Variants in ABCC2 observed in about 807,000 individuals in gnomAD.
ABCC2 encodes ATP-binding cassette sub-family C member 2.
Under a neutral mutation model 173.4 loss-of-function variants are expected in ABCC2, and 157 were observed. The ratio of observed to expected loss-of-function variants is 0.91; its 90% CI spans 0.80 to 1.03. The LOEUF is 1.03. ABCC2 is among the 50% of genes least tolerant of loss of function. ABCC2 has a pLI of 0.00. For missense variants in ABCC2, 1,822 were observed against 1,852.3 expected, an observed-to-expected ratio of 0.98 and a Z score of 0.30; for synonymous variants, 657 against 693.5, an observed-to-expected ratio of 0.95 and a Z score of 0.83.
intron 25 of ABCC2, among the ~76,000 whole-genome samples, chr10:99,838,656 G>A (rs1253087291): frequency 2.3e-4 from 1 of 4,306 alleles, no homozygotes; most frequent in Non-Finnish European, 5.9e-4. Context: ...CTCACCTCCC[G>A]GACGGGGCGG....
chr10:99,782,647 T>C lies in ABCC2; in HGVS notation c.-198T>C, dbSNP rs1252739207. 1 of 639,308 alleles carries C rather than the reference T, an allele frequency of 1.6e-6. No individual in the cohort carries two copies. Among genetic ancestry groups the C allele is most frequent in the Non-Finnish European group, 2.7e-6 (1 of 368,204 alleles). 39.6% of individuals were successfully genotyped at this position (639,308 alleles called of 1,614,324 possible). ...CTGTCCCTAGGGCTTTTTAGTCACA[T>C]GTCCATCCACTGTTTCAATGTAACA... On this transcript the variant is annotated 5_prime_UTR_variant, in exon 1 of 32. An upstream start codon of the reference 5' UTR is lost. Transcript: ENST00000647814.
intron 14 of ABCC2, among the ~76,000 whole-genome samples, chr10:99,810,490 G>A (rs1590159871): frequency 1.3e-5 from 2 of 152,374 alleles, no homozygotes; most frequent in African/African-American, 4.8e-5. Context: ...TCAGGATAGA[G>A]CCAAGTGTGT....
intron 25 of ABCC2, 50 bp downstream of exon 25, chr10:99,836,340 A>G (rs778621758): frequency 6.3e-7 from 1 of 1,592,028 alleles, no homozygotes; most frequent in South Asian, 1.1e-5. Flanking sequence ...GGGGTTCTAT[A>G]TGTTTGATAT....
chr10:99,784,580 G>A (rs749475806), intron 1 of ABCC2, 28 bp from the exon 2 acceptor site: 1 of 1,612,782 alleles, frequency 6.2e-7, no homozygotes, highest in South Asian at 1.1e-5. Flanking sequence ...ATGCATGTAT[G>A]CAACAATCCT....
At position 99,834,542 on chromosome 10, in the gene ABCC2, T is replaced by C; in HGVS notation, c.3414+7T>C. On this transcript the variant is annotated splice_region_variant and intron_variant, in intron 24 of 31. Transcript: ENST00000647814. ...TATTTATGTATCTGTTCAGGTAGGT[T>C]TGGAAATGGCTAAGTCATCCTTCCT... 1 of 1,614,016 alleles carries C rather than the reference T, an allele frequency of 6.2e-7. No individual in the cohort carries two copies. The highest frequency in any genetic ancestry group is 8.5e-7 in the Non-Finnish European group (1 of 1,179,880).
In ABCC2 at chr10:99,785,789, G is replaced by A. The variant is rs931430013; in HGVS notation, c.207+1008G>A. On this transcript the variant is annotated intron_variant, in intron 2 of 31. Transcript: ENST00000647814. ...CTGCCTTGGCCTCCCAAAGTGCTGCGATTACAAGCCTGAGCCACCTGCACA... is the reference window on the plus strand; with the variant it reads ...CTGCCTTGGCCTCCCAAAGTGCTGCAATTACAAGCCTGAGCCACCTGCACA... Among the ~76,000 whole-genome samples the A allele has an allele frequency of 6.6e-5, 10 of 151,918 alleles. No individual in the cohort carries two copies. The East Asian group carries it at 1.4e-3, about 21-fold the overall frequency.
Position 99,832,119 on chromosome 10 carries a change from C to T in ABCC2, c.3246C>T (p.Asn1082=), listed in dbSNP as rs1335249585. 15 of 1,614,166 alleles carry T rather than the reference C, an allele frequency of 9.3e-6. No homozygotes were observed. Among genetic ancestry groups the T allele is most frequent in the Non-Finnish European group, 1.3e-5 (15 of 1,180,024 alleles). ...CAACACCCACAGGCCGGATTGTGAA[C>T]AGGTTTGCCGGCGTAAGTATCTCAA... ...FDTTPTGRIV[N]RFAGDISTVD... Residue 1082 remains asparagine (N), a synonymous_variant, in exon 23 of 32, where the codon AAC becomes AAT. Coordinates refer to ENST00000647814, the MANE Select transcript of ABCC2 (RefSeq NM_000392.5).
intron 6 of ABCC2, among the ~76,000 whole-genome samples, chr10:99,795,770 A>AGAAG (rs2037896834): frequency 6.8e-6 from 1 of 146,432 alleles, no homozygotes; most frequent in African/African-American, 2.7e-5. Flanking sequence ...AAAGAAAGAA[A>AGAAG]GAAAGAAAGA....
Position 99,820,372 on chromosome 10 carries a change from C to T in ABCC2, c.2620+1103C>T, listed in dbSNP as rs1206930128. ...TGCCATTGCACTCCAGCCTGGGCAA[C>T]AAGAGTGAAACTCCATCTCACACAC... On this transcript the variant is annotated intron_variant, in intron 19 of 31. Transcript: ENST00000647814. Among the ~76,000 whole-genome samples the T allele has an allele frequency of 3.5e-5, 5 of 143,772 alleles. No homozygotes were observed. The East Asian group carries it at 1.0e-3, about 30-fold the overall frequency. The allele number at this position is 143,772 out of a possible 152,430, so 94.3% of individuals were successfully genotyped here. A position where few individuals can be genotyped will look rare whatever the true frequency, so the allele number is the denominator to read the frequency against.
intron 7 of ABCC2, 30 bp downstream of exon 7, chr10:99,797,361 G>A (rs376850814): frequency 6.0e-5 from 95 of 1,582,240 alleles, no homozygotes; most frequent in South Asian, 1.8e-4. Context: ...CTGTGTGAGC[G>A]CGCTGCATGT....
At chr10:99,835,963 C>A in intron 24 of ABCC2, 128 bp from the exon 25 acceptor site, 1 of 921,184 alleles carries the variant, frequency 1.1e-6, no homozygotes, top group Non-Finnish European at 1.7e-6. Flanking sequence ...GCACTGCAGG[C>A]TTTTGTCTTG....
intron 17 of ABCC2, 136 bp from the exon 18 acceptor site, chr10:99,818,654 G>A: frequency 1.2e-6 from 1 of 824,320 alleles, no homozygotes; most frequent in Non-Finnish European, 1.9e-6. Flanking sequence ...TTCTTTATTT[G>A]TATAAAGGAA....
At chr10:99,806,077 C>CTCTCTGTGTGTGTG (rs10644836) in intron 11 of ABCC2, among the ~76,000 whole-genome samples, 65 of 148,146 alleles carry the variant, frequency 4.4e-4, no homozygotes, top group African/African-American at 1.6e-3. Flanking sequence ...CTCTCTCTGT[C>CTCTCTGTGTGTGTG]TGTGTGTGTG....
Position 99,850,695 on chromosome 10 carries a change from A to G in ABCC2, c.4407A>G (p.Leu1469=), listed in dbSNP as rs201666939. ...ATGAGGCCACTGCTGCGGTGGATCT[A>G]GAGACAGACAACCTCATTCAGACGA... ...VLDEATAAVD[L]ETDNLIQTTI... is the part of the protein sequence containing the mutation. The change falls in exon 31 of 32, where the codon CTA becomes CTG. Residue 1469 remains leucine (L), a synonymous_variant. Transcript: ENST00000647814. The G allele has an allele frequency of 1.2e-6, 2 of 1,614,230 alleles. No individual in the cohort carries two copies. The highest frequency in any genetic ancestry group is 2.2e-5 in the East Asian group (1 of 44,876).
At chr10:99,844,781 C>T (rs1441059834) in intron 28 of ABCC2, among the ~76,000 whole-genome samples, 1 of 152,152 alleles carries the variant, frequency 6.6e-6, no homozygotes, top group Non-Finnish European at 1.5e-5. Context: ...AGGGGGCGGC[C>T]AGGCCTGGTG....
chr10:99,783,799 G>A (rs996276938), intron 1 of ABCC2, among the ~76,000 whole-genome samples: 1 of 152,120 alleles, frequency 6.6e-6, no homozygotes, highest in East Asian at 1.9e-4. Context: ...ATCTTCATGG[G>A]CTATAGTATC....
rs769566042 is a variant in ABCC2, at chr10:99,831,647, A to G, written c.2920A>G (p.Ile974Val). The G allele has an allele frequency of 7.4e-6, 12 of 1,614,052 alleles. No homozygotes were observed. The highest frequency in any genetic ancestry group is 4.5e-5 in the East Asian group (2 of 44,896). ...FSIYLEYLQA[I>V]GLFSIFFIIL... ...CATCTACCTGGAGTACCTACAAGCA[A>G]TAGGATTGTTTTCGATATTCTTCAT... Residue 974 changes from isoleucine (I) to valine (V), a missense_variant, in exon 22 of 32, where the codon ATA becomes GTA. Transcript: ENST00000647814.
intron 20 of ABCC2, 90 bp from the exon 21 acceptor site, chr10:99,830,626 G>A (rs550376934): frequency 3.1e-6 from 5 of 1,599,038 alleles, no homozygotes; most frequent in African/African-American, 1.3e-5. Flanking sequence ...CCTGAAATGC[G>A]CTTTGATGCC....
chr10:99,817,240 C>T (rs1215462931), intron 16 of ABCC2, 68 bp from the exon 17 acceptor site: 1 of 1,482,462 alleles, frequency 6.7e-7, no homozygotes, highest in Non-Finnish European at 9.4e-7. Context: ...CCTCTCCAGC[C>T]ACCCCGTCCT....
Sources: allele counts gnomAD v4.1 joint callset (sites outside exome capture counted in the v4.1 genomes callset), GRCh38; gene constraint gnomAD v4.1.1; transcripts MANE v1.5; gene names NCBI Gene and HGNC (gene_info 2026-07-23, HGNC 2026-07-21).